PAX2: variants seen among roughly 807,000 people sequenced by gnomAD.
PAX2 encodes paired box 2.
A neutral mutation model predicts 41.7 loss-of-function variants in PAX2; 9 were observed. That is an observed-to-expected ratio of 0.22 (90% CI 0.13 to 0.38). PAX2 has a LOEUF of 0.38. Among genes scored for constraint, PAX2 ranks in the 10% least tolerant of loss-of-function variants. PAX2 has a pLI of 1.00. For synonymous variants in PAX2, 221 were observed against 212.7 expected (o/e 1.04, Z -0.34); for missense variants, 418 against 531.6 (o/e 0.79, Z 2.10).
At chr10:100,785,030 G>C (rs549047992) in intron 5 of PAX2, among the ~76,000 whole-genome samples, 1 of 152,280 alleles carries the variant, frequency 6.6e-6, no homozygotes, top group East Asian at 1.9e-4. Context: ...CCATCAGTCC[G>C]AGAAGGTAGA....
intron 7 of PAX2, among the ~76,000 whole-genome samples, chr10:100,811,960 G>T (rs1358358789): frequency 6.6e-6 from 1 of 152,216 alleles, no homozygotes; most frequent in African/African-American, 2.4e-5. Flanking sequence ...GCCACCTCCT[G>T]GCCCTGGAGG....
intron 5 of PAX2, among the ~76,000 whole-genome samples, chr10:100,799,351 G>A (rs1847457098): frequency 6.6e-6 from 1 of 152,208 alleles, no homozygotes; most frequent in African/African-American, 2.4e-5. Flanking sequence ...GTGCAATCTT[G>A]CACATATTTT....
At chr10:100,757,483 G>A (rs1845675171) in intron 3 of PAX2, among the ~76,000 whole-genome samples, 2 of 152,268 alleles carry the variant, frequency 1.3e-5, no homozygotes, top group Admixed American at 6.5e-5. Context: ...GATGCCACAA[G>A]AGCTGTGCGA....
intron 3 of PAX2, among the ~76,000 whole-genome samples, chr10:100,777,398 C>CTTTTTTTTTTTTTTTTTT (rs56136871): frequency 8.2e-5 from 10 of 121,948 alleles, no homozygotes; most frequent in Admixed American, 8.8e-5. Context: ...CGCATCTGGC[C>CTTTTTTTTTTTTTTTTTT]TTTTTTTTTT....
chr10:100,769,808 G>A (rs1158211231), intron 3 of PAX2, among the ~76,000 whole-genome samples: 2 of 152,066 alleles, frequency 1.3e-5, no homozygotes, highest in Non-Finnish European at 2.9e-5. Context: ...AAAGACAGTC[G>A]TGAGAAAAAT....
At chr10:100,739,089 G>GCCC (rs1844865929) in intron 1 of PAX2, among the ~76,000 whole-genome samples, 1 of 151,150 alleles carries the variant, frequency 6.6e-6, no homozygotes, top group African/African-American at 2.4e-5. Flanking sequence ...AGCAGCCCTA[G>GCCC]CCCCGACCCG....
chr10:100,796,388 C>T (rs1847339046), intron 5 of PAX2, among the ~76,000 whole-genome samples: 1 of 152,120 alleles, frequency 6.6e-6, no homozygotes, highest in African/African-American at 2.4e-5. Context: ...TCTTTGAAAA[C>T]ACGATTTTTT....
At chr10:100,782,255 G>A (rs1279297975) in intron 5 of PAX2, among the ~76,000 whole-genome samples, 2 of 150,744 alleles carry the variant, frequency 1.3e-5, no homozygotes, top group Non-Finnish European at 3.0e-5. Context: ...CAGGAAAGAG[G>A]CAGAATCCTC....
At chr10:100,800,427 A>G (rs1462180406) in intron 5 of PAX2, among the ~76,000 whole-genome samples, 1 of 151,582 alleles carries the variant, frequency 6.6e-6, no homozygotes, top group Non-Finnish European at 1.5e-5. Context: ...ACAGGTGCAT[A>G]CAACTATGCC....
chr10:100,753,874 G>C (rs558756792), intron 3 of PAX2, among the ~76,000 whole-genome samples: 1 of 152,320 alleles, frequency 6.6e-6, no homozygotes, highest in South Asian at 2.1e-4. Context: ...CCTCAGAAAT[G>C]CCTCTCTGAA....
intron 3 of PAX2, among the ~76,000 whole-genome samples, chr10:100,768,445 T>C (rs1023368687): frequency 6.6e-6 from 1 of 152,208 alleles, no homozygotes; most frequent in African/African-American, 2.4e-5. Context: ...CCGAAGCCTA[T>C]AGCAGCTTAA....
rs1189632978 is a variant in PAX2 at position 100,750,240 on chromosome 10, G to C, written c.212+326G>C. Reference sequence around the variant, plus strand: ...GGGGTGGGAGACATTAGAGGAATGGGGGGGGAGTGAAAATGGGTCCCCGAG... The same window carrying C: ...GGGGTGGGAGACATTAGAGGAATGGCGGGGGAGTGAAAATGGGTCCCCGAG... On this transcript the variant is annotated intron_variant, in intron 2 of 9. Transcript: ENST00000355243. The surrounding 1 kb of genome is among the most constrained non-coding windows in gnomAD (Gnocchi z 4.1). Among the ~76,000 whole-genome samples the C allele has an allele frequency of 1.3e-5, 2 of 152,086 alleles. No individual in the cohort carries two copies. The highest frequency in any genetic ancestry group is 2.9e-5 in the Non-Finnish European group (2 of 68,020).
upstream of PAX2, among the ~76,000 whole-genome samples, chr10:100,742,843 CTTTTTTTTTTTTTTTTTTTTTTTTTTTT>C (rs61627823): frequency 2.4e-5 from 1 of 41,206 alleles, no homozygotes; most frequent in African/African-American, 1.0e-4. Flanking sequence ...TTCTTTCTTC[CTTTTTTTTTTTTTTTTTTTTTTTTTTTT>C]TTTTTTTTTT....
At chr10:100,822,407 A>T (rs1486362800) in intron 7 of PAX2, among the ~76,000 whole-genome samples, 1 of 152,240 alleles carries the variant, frequency 6.6e-6, no homozygotes, top group Non-Finnish European at 1.5e-5. Context: ...TACATGAAAC[A>T]ATAAAAAAAA....
At position 100,745,675 on chromosome 10, in the gene PAX2, T is replaced by G. The variant is rs1364788275; in HGVS notation, c.-586T>G. On this transcript the variant is annotated 5_prime_UTR_variant, in exon 1 of 10. Coordinates refer to ENST00000355243, the MANE Select transcript of PAX2 (RefSeq NM_000278.5). ...GGCTCCCTCCCTCCCTCCCGGCCCT[T>G]CGGCCGCGGCGGCGTGCGCCTGCCT... is the stretch of plus-strand genomic sequence containing the variant. The G allele has an allele frequency of 5.6e-6, 5 of 887,036 alleles. No individual in the cohort carries two copies. Among genetic ancestry groups the G allele is most frequent in the Non-Finnish European group, 6.9e-6 (5 of 728,920 alleles). 54.9% of individuals were successfully genotyped at this position (887,036 alleles called of 1,614,324 possible).
At position 100,809,105 on chromosome 10, in the gene PAX2, C is replaced by T. The variant is rs1847901180; in HGVS notation, c.793-5C>T. 1.2e-6 allele frequency: 2 copies of T among 1,613,198 alleles called. No individual in the cohort carries two copies. The highest frequency in any genetic ancestry group is 2.2e-5 in the South Asian group (2 of 91,046). On this transcript the variant is annotated splice_region_variant and splice_polypyrimidine_tract_variant and intron_variant, in intron 6 of 9. Coordinates refer to ENST00000355243, the MANE Select transcript of PAX2 (RefSeq NM_000278.5). The stretch of plus-strand genomic sequence containing the variant: ...GAGAGCTGTCACTTTTCTCTCTCCT[C>T]CCAGGGGAACGAGTACTCCCTCCCA...
intron 3 of PAX2, 115 bp from the exon 4 acceptor site, chr10:100,779,383 T>C (rs909461124): frequency 3.2e-5 from 28 of 882,750 alleles, no homozygotes; most frequent in Middle Eastern, 2.1e-4. Flanking sequence ...AGGGAGCAGA[T>C]GGATGAGGAA....
intron 5 of PAX2, among the ~76,000 whole-genome samples, chr10:100,800,077 C>T (rs750701381): frequency 5.9e-5 from 9 of 151,884 alleles, no homozygotes; most frequent in African/African-American, 1.5e-4. Flanking sequence ...TGAGCCACCG[C>T]GCCCGGCCAA....
At position 100,759,325 on chromosome 10, in the gene PAX2, G is replaced by A. The variant is rs112862227; in HGVS notation, c.410+8434G>A. Among the ~76,000 whole-genome samples the A allele has an allele frequency of 5.1e-3, 772 of 152,316 alleles. 3 individuals carry two copies. The highest frequency in any genetic ancestry group is 8.0e-3 in the Non-Finnish European group (543 of 68,028). ...AAGGAAATGGCATGGGAGGAATAGC[G>A]GCCTGGCTGGAGCTATGCAGCCCTT... On this transcript the variant is annotated intron_variant, in intron 3 of 9. Transcript: ENST00000355243.
Sources: gnomAD v4.1 joint callset for allele counts (sites outside exome capture counted in the v4.1 genomes callset) on GRCh38, gnomAD v4.1.1 for gene constraint, Gnocchi (gnomAD v3.1) non-coding constraint, MANE v1.5 for transcripts, NCBI Gene and HGNC (gene_info 2026-07-23, HGNC 2026-07-21) for gene names.